PCCA: variants seen among roughly 807,000 people sequenced by gnomAD.
PCCA encodes propionyl-CoA carboxylase subunit alpha, also known as propionyl-CoA carboxylase alpha chain, mitochondrial.
A neutral mutation model predicts 101.3 loss-of-function variants in PCCA; 74 were observed. The ratio of observed to expected loss-of-function variants is 0.73; its 90% CI spans 0.61 to 0.89. The LOEUF (loss-of-function observed/expected upper bound fraction) is 0.89, where lower values mean the gene tolerates loss of function less well. PCCA is among the 40% of genes least tolerant of loss of function. PCCA has a pLI of 0.00. For synonymous variants in PCCA, 294 were observed against 313.6 expected, an observed-to-expected ratio of 0.94 and a Z score of 0.66; for missense variants, 891 against 907.0, an observed-to-expected ratio of 0.98 and a Z score of 0.23.
At chr13:100,452,653 A>T (rs60673410) in intron 21 of PCCA, among the ~76,000 whole-genome samples, 2,973 of 151,636 alleles carry the variant, frequency 0.02, 101 homozygotes, top group African/African-American at 0.068. Flanking sequence ...TTATTTATTT[A>T]TTTTTTTCAT....
intron 2 of PCCA, among the ~76,000 whole-genome samples, chr13:100,108,098 A>G (rs1212124148): frequency 6.6e-6 from 1 of 152,128 alleles, no homozygotes; most frequent in African/African-American, 2.4e-5. Context: ...TGGTCTCTGA[A>G]TGGAGTGTGG....
intron 8 of PCCA, among the ~76,000 whole-genome samples, chr13:100,253,613 A>C (rs1447054562): frequency 6.6e-6 from 1 of 152,162 alleles, no homozygotes; most frequent in Admixed American, 6.6e-5. Context: ...TTGCTAACCT[A>C]AGTTTCTGTA....
chr13:100,464,063 A>G (rs772830627), intron 21 of PCCA, among the ~76,000 whole-genome samples: 16 of 152,228 alleles, frequency 1.1e-4, no homozygotes, highest in Non-Finnish European at 1.9e-4. Context: ...ATTCCATTCA[A>G]TTGCTAAGAT....
At chr13:100,320,752 T>A (rs1301056534) in intron 16 of PCCA, among the ~76,000 whole-genome samples, 1 of 152,166 alleles carries the variant, frequency 6.6e-6, no homozygotes, top group Non-Finnish European at 1.5e-5. Flanking sequence ...GATTTTTGCA[T>A]CGATGTTCAT....
chr13:100,482,801 A>G (rs1372173228), intron 21 of PCCA, among the ~76,000 whole-genome samples: 1 of 152,160 alleles, frequency 6.6e-6, no homozygotes, highest in African/African-American at 2.4e-5. Context: ...CGGGCGGATC[A>G]TTTGAGGTCA....
At chr13:100,454,878 C>T (rs1292441674) in intron 21 of PCCA, among the ~76,000 whole-genome samples, 1 of 151,884 alleles carries the variant, frequency 6.6e-6, no homozygotes, top group Non-Finnish European at 1.5e-5. Flanking sequence ...AAACAAATCT[C>T]ATTACTTTAA....
rs386380451 is a variant in PCCA at position 100,370,074 on chromosome 13, CTTTTTTTTTTT to C, written c.1746+1515_1746+1525del. On this transcript the variant is annotated intron_variant, in intron 19 of 23. Transcript: ENST00000376285. ...AGATTACTTTTCAGAGCTGTTACTT[CTTTTTTTTTTT>C]TTTTTTTTTTTTTTGAGACAGAGTC... Among the ~76,000 whole-genome samples, 19 of 74,668 alleles carry C rather than the reference CTTTTTTTTTTT, an allele frequency of 2.5e-4. No homozygotes were observed. The East Asian group carries it at 4.8e-3, about 19-fold the overall frequency. The allele number at this position is 74,668 out of a possible 152,430, so 49.0% of individuals were successfully genotyped here. A position where few individuals can be genotyped will look rare whatever the true frequency, so the allele number is the denominator to read the frequency against.
intron 1 of PCCA, among the ~76,000 whole-genome samples, chr13:100,095,120 A>G (rs571161262): frequency 1.3e-5 from 2 of 152,272 alleles, no homozygotes; most frequent in African/African-American, 4.8e-5. Context: ...TTGTGGCTGC[A>G]TCACTCCAGT....
rs182055782 is a variant in PCCA, at chr13:100,259,654, G to T, written c.716+1981G>T. Among the ~76,000 whole-genome samples the T allele has an allele frequency of 2.3e-4, 35 of 152,162 alleles. No homozygotes were observed. In the East Asian group the frequency reaches 6.6e-3, roughly 29 times the overall value. ...AACCTTTATTATATAGTAAATTTGG[G>T]TGAGAATTATGAAGATTGTTGAAGG... On this transcript the variant is annotated intron_variant, in intron 9 of 23. Transcript: ENST00000376285.
chr13:100,148,229 T>C (rs1352573858), intron 4 of PCCA, among the ~76,000 whole-genome samples: 2 of 152,150 alleles, frequency 1.3e-5, no homozygotes, highest in Non-Finnish European at 2.9e-5. Context: ...TCAGAAACTT[T>C]TTACTCTGAA....
chr13:100,256,863 C>G (rs1471582963), intron 8 of PCCA, among the ~76,000 whole-genome samples: 1 of 152,212 alleles, frequency 6.6e-6, no homozygotes, highest in Non-Finnish European at 1.5e-5. Flanking sequence ...TTGTAAATGA[C>G]TCTTGCTGTC....
intron 6 of PCCA, among the ~76,000 whole-genome samples, chr13:100,164,345 T>C (rs1386895151): frequency 1.3e-5 from 2 of 152,212 alleles, no homozygotes; most frequent in African/African-American, 2.4e-5. Context: ...CTTTGGGAGC[T>C]GGCAGGCTCG....
chr13:100,519,244 C>T (rs2087053784), intron 22 of PCCA, among the ~76,000 whole-genome samples: 1 of 152,230 alleles, frequency 6.6e-6, no homozygotes, highest in South Asian at 2.1e-4. Context: ...ATCTGCATTT[C>T]TTTCTTTCTT....
At chr13:100,216,842 C>T (rs1459064831) in intron 7 of PCCA, among the ~76,000 whole-genome samples, 1 of 152,184 alleles carries the variant, frequency 6.6e-6, no homozygotes, top group Non-Finnish European at 1.5e-5. Flanking sequence ...GGTATGGTGG[C>T]TCATGCCTGT....
At chr13:100,144,721 A>G (rs1191385908) in intron 4 of PCCA, among the ~76,000 whole-genome samples, 2 of 152,222 alleles carry the variant, frequency 1.3e-5, no homozygotes, top group Non-Finnish European at 2.9e-5. Flanking sequence ...TTCCTGTCCC[A>G]AATTCCCAGG....
chr13:100,165,788 T>G (rs922501002), intron 6 of PCCA, among the ~76,000 whole-genome samples: 4 of 152,082 alleles, frequency 2.6e-5, no homozygotes, highest in African/African-American at 7.2e-5. Flanking sequence ...TCCCATCACT[T>G]TGGGAGGCCG....
intron 4 of PCCA, among the ~76,000 whole-genome samples, chr13:100,134,735 G>A (rs2050945090): frequency 6.6e-6 from 1 of 151,130 alleles, no homozygotes; most frequent in Non-Finnish European, 1.5e-5. Context: ...TAATTTTTTT[G>A]TAGAGACAGG....
intron 21 of PCCA, among the ~76,000 whole-genome samples, chr13:100,514,907 T>C (rs777217522): frequency 1.3e-4 from 20 of 152,238 alleles, no homozygotes; most frequent in Non-Finnish European, 2.1e-4. Context: ...AAATGGAATT[T>C]TAAATACTAT....
chr13:100,493,665 T>C (rs947325906), intron 21 of PCCA, among the ~76,000 whole-genome samples: 1 of 152,202 alleles, frequency 6.6e-6, no homozygotes, highest in Non-Finnish European at 1.5e-5. Flanking sequence ...GCTGAAGTCT[T>C]GGTCATCTAC....
Sources: gnomAD v4.1 joint callset for allele counts (sites outside exome capture counted in the v4.1 genomes callset) on GRCh38, gnomAD v4.1.1 for gene constraint, MANE v1.5 for transcripts, NCBI Gene and HGNC (gene_info 2026-07-23, HGNC 2026-07-21) for gene names.